Variants in TRPC4AP observed in about 807,000 individuals in gnomAD.
TRPC4AP encodes short transient receptor potential channel 4-associated protein.
In TRPC4AP, 45 loss-of-function variants were observed where a neutral mutation model predicts 99.0. That is an observed-to-expected ratio of 0.45 (90% CI 0.36 to 0.58). TRPC4AP has a LOEUF of 0.58. Among genes scored for constraint, TRPC4AP ranks in the 20% least tolerant of loss-of-function variants. The pLI is 0.00. For synonymous variants in TRPC4AP, 408 were observed against 385.8 expected, an observed-to-expected ratio of 1.06 and a Z score of -0.67; for missense variants, 879 against 985.3, an observed-to-expected ratio of 0.89 and a Z score of 1.44.
chr20:35,078,652 T>C (rs956024533), intron 1 of TRPC4AP, among the ~76,000 whole-genome samples: 2 of 152,198 alleles, frequency 1.3e-5, no homozygotes, highest in Non-Finnish European at 2.9e-5. Flanking sequence ...TAAATATCTA[T>C]GAATGGTCTA....
chr20:35,035,097 C>A (rs1183391099), intron 8 of TRPC4AP, 26 bp downstream of exon 8: 3 of 1,583,140 alleles, frequency 1.9e-6, no homozygotes, highest in Middle Eastern at 1.7e-4. Flanking sequence ...AGCTCCCGAT[C>A]ACTCAGGGGA....
rs1328480668 is a variant in TRPC4AP, at chr20:35,002,705, C to T, written c.*441G>A. On this transcript the variant is annotated 3_prime_UTR_variant, in exon 19 of 19. Transcript: ENST00000252015. ...GGCAGCATTCTCTGGTACCCACCAC[C>T]CCTGCCCAGGGCTCAGAAGCCTTTG... The T allele has an allele frequency of 2.3e-5, 4 of 176,970 alleles. No individual in the cohort carries two copies. The highest frequency in any genetic ancestry group is 4.8e-5 in the Non-Finnish European group (4 of 83,646). The allele number at this position is 176,970 out of a possible 1,614,324, so 11.0% of individuals were successfully genotyped here. A position where few individuals can be genotyped will look rare whatever the true frequency, so the allele number is the denominator to read the frequency against.
intron 14 of TRPC4AP, among the ~76,000 whole-genome samples, 174 bp downstream of exon 14, chr20:35,007,376 T>C (rs542817251): frequency 6.6e-6 from 1 of 152,190 alleles, no homozygotes; most frequent in South Asian, 2.1e-4. Flanking sequence ...TAAGCACCCA[T>C]GGGGAACCCA....
intron 4 of TRPC4AP, 140 bp downstream of exon 4, chr20:35,057,374 G>A: frequency 1.5e-6 from 1 of 654,322 alleles, no homozygotes; most frequent in Admixed American, 2.7e-5. Context: ...GCTGGGGGAG[G>A]AGAGAGCAAC....
At chr20:35,086,578 T>TAG (rs147037674) in intron 1 of TRPC4AP, among the ~76,000 whole-genome samples, 12,754 of 139,224 alleles carry the variant, frequency 0.092, 2,445 homozygotes, top group South Asian at 0.15. Context: ...TGTGTGTGTA[T>TAG]ATATATATGA....
intron 7 of TRPC4AP, among the ~76,000 whole-genome samples, chr20:35,041,288 C>G (rs1357575150): frequency 2.6e-5 from 4 of 152,142 alleles, no homozygotes; most frequent in Non-Finnish European, 5.9e-5. Flanking sequence ...TCCTCATCCA[C>G]TCGTGATTTA....
chr20:35,080,542 A>AAC (rs200126584), intron 1 of TRPC4AP, among the ~76,000 whole-genome samples: 51 of 143,398 alleles, frequency 3.6e-4, no homozygotes, highest in Admixed American at 6.2e-4. Flanking sequence ...TCTAAAAAAA[A>AAC]AAAAAAAAAA....
At chr20:35,025,106 GCT>G (rs2082996770) in intron 8 of TRPC4AP, among the ~76,000 whole-genome samples, 1 of 152,084 alleles carries the variant, frequency 6.6e-6, no homozygotes, top group Non-Finnish European at 1.5e-5. Context: ...GTGACTGAGG[GCT>G]CTGATTTCTC....
In TRPC4AP at chr20:35,024,840, A is replaced by AC. The variant is rs1365508548; in HGVS notation, c.1052-3485_1052-3484insG. Among the ~76,000 whole-genome samples, 837 of 125,338 alleles carry AC rather than the reference A, an allele frequency of 6.7e-3. 49 individuals are homozygous for AC. The highest frequency in any genetic ancestry group is 0.023 in the African/African-American group (808 of 35,454). The allele number at this position is 125,338 out of a possible 152,430, so 82.2% of individuals were successfully genotyped here. On this transcript the variant is annotated intron_variant, in intron 8 of 18. Coordinates refer to ENST00000252015, the MANE Select transcript of TRPC4AP (RefSeq NM_015638.3). ...GAGACCGTCTCAAAAAAAAAAAAAA[A>AC]AAAAAAAAAAAAAAATTCTGTTTAT...
Position 35,002,962 on chromosome 20 carries a change from G to A in TRPC4AP, c.*184C>T, listed in dbSNP as rs1489917196. 1.4e-6 allele frequency: 1 copy of A among 734,086 alleles called. No homozygotes were observed. The highest frequency in any genetic ancestry group is 2.2e-6 in the Non-Finnish European group (1 of 459,588). The allele number at this position is 734,086 out of a possible 1,614,324, so 45.5% of individuals were successfully genotyped here. A position where few individuals can be genotyped will look rare whatever the true frequency, so the allele number is the denominator to read the frequency against. On this transcript the variant is annotated 3_prime_UTR_variant, in exon 19 of 19. Transcript: ENST00000252015. ...CATTATGGGGACTGAGGCTCTCCATGACCTAGGGCCCTCAGACCCAGGGGG... is the reference window on the plus strand; with the variant it reads ...CATTATGGGGACTGAGGCTCTCCATAACCTAGGGCCCTCAGACCCAGGGGG...
intron 1 of TRPC4AP, among the ~76,000 whole-genome samples, chr20:35,086,523 ATATGTGTGTGTGTGTG>A (rs1294618062): frequency 0.029 from 2,894 of 99,002 alleles, 261 homozygotes; most frequent in African/African-American, 0.092. Context: ...GTGTGTGTAT[ATATGTGTGTGTGTGTG>A]TGTGTGTGTG....
At chr20:35,059,905 CGAA>C (rs1489357109) in intron 3 of TRPC4AP, among the ~76,000 whole-genome samples, 5 of 46,088 alleles carry the variant, frequency 1.1e-4, no homozygotes, top group African/African-American at 2.4e-4. Flanking sequence ...ATGAAGAAGA[CGAA>C]GACGAAGAAG....
intron 6 of TRPC4AP, 40 bp from the exon 7 acceptor site, chr20:35,044,752 C>T (rs1403156035): frequency 1.3e-6 from 2 of 1,596,732 alleles, no homozygotes; most frequent in East Asian, 4.5e-5. Flanking sequence ...ATGCTCAATT[C>T]ACTCAAGAGA....
At chr20:35,063,192 G>A (rs902780736) in intron 3 of TRPC4AP, among the ~76,000 whole-genome samples, 3 of 152,228 alleles carry the variant, frequency 2.0e-5, no homozygotes, top group African/African-American at 7.2e-5. Context: ...GCCCTGTGAA[G>A]AAGGTGCCTG....
chr20:35,073,496 G>A (rs1289196049), intron 2 of TRPC4AP, among the ~76,000 whole-genome samples: 2 of 152,262 alleles, frequency 1.3e-5, no homozygotes, highest in Middle Eastern at 3.4e-3. Context: ...AAGGGCTGTT[G>A]AATTTTGTCG....
chr20:35,028,375 A>G (rs1424628798), intron 8 of TRPC4AP, among the ~76,000 whole-genome samples: 3 of 151,950 alleles, frequency 2.0e-5, no homozygotes, highest in Non-Finnish European at 2.9e-5. Flanking sequence ...TACAGGTGTG[A>G]GCCACCGCGC....
At chr20:35,029,872 G>A (rs1163248133) in intron 8 of TRPC4AP, among the ~76,000 whole-genome samples, 3 of 146,600 alleles carry the variant, frequency 2.0e-5, no homozygotes, top group African/African-American at 2.5e-5. Flanking sequence ...TCCTGACCTC[G>A]TGATCCGCCC....
In TRPC4AP at chr20:35,057,404, A is replaced by G. The variant is rs1035698517; in HGVS notation, c.472+110T>C. On this transcript the variant is annotated intron_variant, in intron 4 of 18. Transcript: ENST00000252015. ...AGCAACCTGTAGCTAAATGTAAGAC[A>G]TGTCCTTACTATTAAGAGTTAGGAA... The G allele has an allele frequency of 8.3e-6, 7 of 846,706 alleles. No individual in the cohort carries two copies. In the African/African-American group the frequency reaches 1.2e-4, roughly 14 times the overall value. The allele number at this position is 846,706 out of a possible 1,614,324, so 52.4% of individuals were successfully genotyped here.
chr20:35,060,594 A>G (rs1340423448), intron 3 of TRPC4AP, among the ~76,000 whole-genome samples: 1 of 125,840 alleles, frequency 7.9e-6, no homozygotes, highest in Non-Finnish European at 1.8e-5. Flanking sequence ...CCAAAAAAAA[A>G]AAAAAAAAAA....
Sources: allele counts gnomAD v4.1 joint callset (sites outside exome capture counted in the v4.1 genomes callset), GRCh38; gene constraint gnomAD v4.1.1; transcripts MANE v1.5; gene names NCBI Gene and HGNC (gene_info 2026-07-23, HGNC 2026-07-21).